Variants in PCNX1 observed in about 807,000 individuals in gnomAD.
PCNX1 encodes the protein pecanex-like protein 1.
A neutral mutation model predicts 242.2 loss-of-function variants in PCNX1; 78 were observed. That is an observed-to-expected ratio of 0.32 (90% confidence interval 0.27 to 0.39). The LOEUF (loss-of-function observed/expected upper bound fraction) is 0.39, where lower values mean the gene tolerates loss of function less well. PCNX1 is among the 10% of genes least tolerant of loss of function. PCNX1 has a pLI of 1.00. For missense variants in PCNX1, 2,581 were observed against 2,856.5 expected (o/e 0.90, Z 2.20); for synonymous variants, 1,024 against 1,032.9 (o/e 0.99, Z 0.17).
chr14:70,949,540 C>T (rs2140345215), intron 2 of PCNX1, among the ~76,000 whole-genome samples: 1 of 152,076 alleles, frequency 6.6e-6, no homozygotes, highest in Non-Finnish European at 1.5e-5. Context: ...GTATACTTTA[C>T]TTAACCTATT....
chr14:70,968,121 T>C, intron 3 of PCNX1, 77 bp from the exon 4 acceptor site: 1 of 968,718 alleles, frequency 1.0e-6, no homozygotes, highest in Non-Finnish European at 1.7e-6. Context: ...TTTTGTTTGA[T>C]AATCTTGCTA....
chr14:71,021,707 A>G (rs1440139375), intron 12 of PCNX1, among the ~76,000 whole-genome samples: 1 of 152,112 alleles, frequency 6.6e-6, no homozygotes, highest in Non-Finnish European at 1.5e-5. Context: ...TGCTTTATGA[A>G]TGCTACATCA....
Position 71,065,176 on chromosome 14 carries a change from T to G in PCNX1, c.4852+7452T>G, listed in dbSNP as rs148441728. Among the ~76,000 whole-genome samples the G allele has an allele frequency of 8.9e-3, 1,362 of 152,322 alleles. 10 individuals carry two copies. The highest frequency in any genetic ancestry group is 0.012 in the Non-Finnish European group (840 of 68,024). ...GTCAAATGGTTTTTCTAGTTCTAGA[T>G]TCTTGAGGAATCGCCACATTGTCTT... On this transcript the variant is annotated intron_variant, in intron 26 of 35. Coordinates refer to ENST00000304743, the MANE Select transcript of PCNX1 (RefSeq NM_014982.3).
At chr14:70,994,194 C>A (rs375755575) in intron 7 of PCNX1, among the ~76,000 whole-genome samples, 1 of 151,742 alleles carries the variant, frequency 6.6e-6, no homozygotes, top group African/African-American at 2.4e-5. Context: ...CTGCCCTGTT[C>A]TATATGGTAG....
chr14:71,061,884 G>A (rs895004818), intron 26 of PCNX1, among the ~76,000 whole-genome samples: 1 of 152,146 alleles, frequency 6.6e-6, no homozygotes, highest in African/African-American at 2.4e-5. Flanking sequence ...GGAACACATA[G>A]CTGAAGAACA....
intron 16 of PCNX1, among the ~76,000 whole-genome samples, chr14:71,032,472 A>G (rs576414291): frequency 8.5e-4 from 130 of 152,326 alleles, no homozygotes; most frequent in Admixed American, 1.7e-3. Flanking sequence ...TGTAAAAATT[A>G]TTTGGGAAAT....
At chr14:71,060,400 G>C (rs141047646) in intron 26 of PCNX1, among the ~76,000 whole-genome samples, 57 of 152,138 alleles carry the variant, frequency 3.7e-4, no homozygotes, top group African/African-American at 1.4e-3. Flanking sequence ...GTTTACTTTA[G>C]AACAGTATGT....
intron 1 of PCNX1, among the ~76,000 whole-genome samples, chr14:70,913,062 A>G (rs932213516): frequency 2.6e-5 from 4 of 151,484 alleles, no homozygotes; most frequent in African/African-American, 9.8e-5. Flanking sequence ...TAACACAAAC[A>G]TATATTTTTT....
intron 2 of PCNX1, among the ~76,000 whole-genome samples, chr14:70,949,193 C>CAA (rs1555345808): frequency 7.2e-6 from 1 of 139,028 alleles, no homozygotes; most frequent in South Asian, 2.2e-4. Flanking sequence ...AGCATTTACT[C>CAA]ATAGTGTGTA....
At chr14:71,094,238 A>G (rs1229463338) in intron 30 of PCNX1, among the ~76,000 whole-genome samples, 1 of 152,242 alleles carries the variant, frequency 6.6e-6, no homozygotes, top group African/African-American at 2.4e-5. Flanking sequence ...ATTACTCAGC[A>G]ATAAAAAGAA....
intron 8 of PCNX1, among the ~76,000 whole-genome samples, chr14:71,003,445 C>A (rs1057487440): frequency 6.6e-6 from 1 of 152,126 alleles, no homozygotes; most frequent in Non-Finnish European, 1.5e-5. Context: ...ATTTTAAATA[C>A]AACTTATTTG....
At chr14:71,001,360 A>G (rs1237032149) in intron 8 of PCNX1, among the ~76,000 whole-genome samples, 5 of 152,220 alleles carry the variant, frequency 3.3e-5, no homozygotes, top group Admixed American at 3.3e-4. Flanking sequence ...GCTTTATGGA[A>G]AGCTCTAGTT....
intron 26 of PCNX1, among the ~76,000 whole-genome samples, chr14:71,057,953 T>G (rs2061227379): frequency 6.6e-6 from 1 of 152,218 alleles, no homozygotes; most frequent in Non-Finnish European, 1.5e-5. Context: ...CATTAGTGTG[T>G]AATTGATTTG....
chr14:71,007,390 G>T (rs561133403), intron 8 of PCNX1, among the ~76,000 whole-genome samples: 102 of 151,990 alleles, frequency 6.7e-4, no homozygotes, highest in African/African-American at 2.4e-3. Context: ...AATATACCAA[G>T]AACAGAACTT....
At chr14:71,085,271 C>T (rs58984901) in intron 28 of PCNX1, among the ~76,000 whole-genome samples, 54,418 of 151,908 alleles carry the variant, frequency 0.36, 10,030 homozygotes, top group East Asian at 0.62. Flanking sequence ...AGCTGTAGAC[C>T]GGAGCTGTTC....
chr14:70,918,592 G>A (rs2056243251), intron 1 of PCNX1, among the ~76,000 whole-genome samples: 2 of 152,218 alleles, frequency 1.3e-5, no homozygotes, highest in Admixed American at 1.3e-4. Flanking sequence ...GAAAAATGGT[G>A]CTGATAGAGA....
chr14:70,938,676 A>G (rs189097114), intron 1 of PCNX1, among the ~76,000 whole-genome samples: 16 of 152,108 alleles, frequency 1.1e-4, no homozygotes, highest in East Asian at 1.9e-4. Flanking sequence ...CTCTTTTTCT[A>G]TTGATTGGAA....
chr14:71,070,059 GC>G lies in PCNX1; in HGVS notation c.4853-3485del, dbSNP rs1365412494. ...ATCCTTTGTTGTCATTTTAACCAAGGCTCACAACATCTTCACTTAGGAGTCA... is the reference window on the plus strand; with the variant it reads ...ATCCTTTGTTGTCATTTTAACCAAGGTCACAACATCTTCACTTAGGAGTCA... On this transcript the variant is annotated intron_variant, in intron 26 of 35. Coordinates refer to ENST00000304743, the MANE Select transcript of PCNX1 (RefSeq NM_014982.3). Among the ~76,000 whole-genome samples the G allele has an allele frequency of 1.4e-4, 21 of 152,116 alleles. 1 individual carries two copies. The highest frequency in any genetic ancestry group is 1.4e-3 in the Admixed American group (21 of 15,266).
chr14:70,977,280 G>A lies in PCNX1; in HGVS notation c.943G>A (p.Glu315Lys). The A allele has an allele frequency of 6.2e-7, 1 of 1,614,226 alleles. No homozygotes were observed. The highest frequency in any genetic ancestry group is 1.1e-5 in the South Asian group (1 of 91,086). ...QQRRGLDPVS[E>K]LESSKPLSGS... is the part of the protein sequence containing the mutation. ...AAGACGTGGATTAGATCCAGTTAGT[G>A]AGTTAGAATCTTCCAAGCCTCTTTC... The change falls in exon 6 of 36, where the codon GAG becomes AAG. Residue 315 changes from glutamate (E) to lysine (K), a missense_variant. Transcript: ENST00000304743.
Sources: allele counts gnomAD v4.1 joint callset (sites outside exome capture counted in the v4.1 genomes callset), GRCh38; gene constraint gnomAD v4.1.1; transcripts MANE v1.5; gene names NCBI Gene and HGNC (gene_info 2026-07-23, HGNC 2026-07-21).